Variants in DNAJC24 observed in about 807,000 individuals in gnomAD.
The protein encoded by DNAJC24 is DnaJ heat shock protein family (Hsp40) member C24, also known as dnaJ homolog subfamily C member 24.
In DNAJC24, 17 loss-of-function variants were observed where a neutral mutation model predicts 18.0. The ratio of observed to expected loss-of-function variants is 0.94; its 90% confidence interval spans 0.65 to 1.42. The LOEUF is 1.42. Among genes scored for constraint, DNAJC24 ranks in the 40% most tolerant of loss-of-function variants. The probability of loss-of-function intolerance (pLI) is 0.00; values close to 1 mark genes in which losing one functional copy is unlikely to be tolerated. For synonymous variants in DNAJC24, 55 were observed against 57.7 expected, an observed-to-expected ratio of 0.95 and a Z score of 0.21; for missense variants, 158 against 175.6, an observed-to-expected ratio of 0.90 and a Z score of 0.57.
intron 2 of DNAJC24, among the ~76,000 whole-genome samples, chr11:31,400,270 AC>A (rs1952587771): frequency 6.6e-6 from 1 of 152,154 alleles, no homozygotes; most frequent in Non-Finnish European, 1.5e-5. Flanking sequence ...TTGGGTATAT[AC>A]CCAGTAATGG....
chr11:31,409,940 A>G (rs1952691518), intron 2 of DNAJC24, among the ~76,000 whole-genome samples: 1 of 146,514 alleles, frequency 6.8e-6, no homozygotes, highest in East Asian at 2.0e-4. Flanking sequence ...GCTGGAGTGC[A>G]GTGGCATCAT....
At chr11:31,414,703 C>T in intron 2 of DNAJC24, 108 bp from the exon 3 acceptor site, 1 of 1,242,384 alleles carries the variant, frequency 8.0e-7, no homozygotes, top group Non-Finnish European at 1.1e-6. Flanking sequence ...ATTTGGTTTT[C>T]ATCTTCTCAT....
chr11:31,403,125 A>ATGTG (rs3979423), intron 2 of DNAJC24, among the ~76,000 whole-genome samples: 11,621 of 146,570 alleles, frequency 0.079, 939 homozygotes, highest in African/African-American at 0.2. Context: ...GCATATATGC[A>ATGTG]TGTGTGTGTG....
intron 2 of DNAJC24, among the ~76,000 whole-genome samples, chr11:31,378,505 A>G (rs966716053): frequency 5.9e-5 from 9 of 152,214 alleles, no homozygotes; most frequent in African/African-American, 2.2e-4. Context: ...GCAAAGTGCA[A>G]TATCATTATT....
At chr11:31,381,234 G>T (rs1303322341) in intron 2 of DNAJC24, among the ~76,000 whole-genome samples, 1 of 151,998 alleles carries the variant, frequency 6.6e-6, no homozygotes, top group Non-Finnish European at 1.5e-5. Flanking sequence ...ACTGGTTAAG[G>T]TTATTTGTGT....
chr11:31,398,030 T>C (rs1952560418), intron 2 of DNAJC24, among the ~76,000 whole-genome samples: 1 of 152,094 alleles, frequency 6.6e-6, no homozygotes, highest in African/African-American at 2.4e-5. Flanking sequence ...CTCGAACTCT[T>C]GACCTCATGA....
intron 2 of DNAJC24, among the ~76,000 whole-genome samples, chr11:31,407,165 A>G (rs1012307933): frequency 6.6e-6 from 1 of 152,206 alleles, no homozygotes; most frequent in African/African-American, 2.4e-5. Flanking sequence ...TATGTCCTCA[A>G]GTGCCACATT....
intron 3 of DNAJC24, among the ~76,000 whole-genome samples, chr11:31,423,206 C>T (rs1192765422): frequency 1.3e-5 from 2 of 152,160 alleles, no homozygotes; most frequent in African/African-American, 4.8e-5. Flanking sequence ...AAGTGTGTAG[C>T]TTGATGGATT....
intron 2 of DNAJC24, among the ~76,000 whole-genome samples, chr11:31,405,491 T>G (rs1183689787): frequency 6.6e-6 from 1 of 152,102 alleles, no homozygotes; most frequent in Non-Finnish European, 1.5e-5. Context: ...AATCTTTTTA[T>G]TTATTTGAGA....
chr11:31,379,957 A>G (rs1952360452), intron 2 of DNAJC24, among the ~76,000 whole-genome samples: 1 of 151,942 alleles, frequency 6.6e-6, no homozygotes, highest in Admixed American at 6.6e-5. Flanking sequence ...TTTAGTAGAG[A>G]CAGGGTTTCA....
At chr11:31,416,266 A>G (rs1952750749) in intron 3 of DNAJC24, 1 of 152,154 alleles carries the variant, frequency 6.6e-6, no homozygotes. Context: ...GCATCTGTCT[A>G]ATGTATTTAT....
chr11:31,425,662 A>G (rs1269761800), intron 3 of DNAJC24, among the ~76,000 whole-genome samples: 1 of 151,942 alleles, frequency 6.6e-6, no homozygotes, highest in Non-Finnish European at 1.5e-5. Context: ...TTAGAACCCC[A>G]CTTTTATGAC....
chr11:31,378,637 T>G (rs949248575), intron 2 of DNAJC24, among the ~76,000 whole-genome samples: 7 of 152,064 alleles, frequency 4.6e-5, no homozygotes, highest in Admixed American at 4.6e-4. Flanking sequence ...AAGCAGGCAG[T>G]CAGTTACCTT....
intron 2 of DNAJC24, chr11:31,408,070 C>T (rs1021865332): frequency 1.5e-5 from 7 of 454,212 alleles, no homozygotes; most frequent in South Asian, 1.6e-5. Flanking sequence ...AAAAAAATTC[C>T]GACTTGAAAC....
At chr11:31,391,879 A>C (rs898073849) in intron 2 of DNAJC24, among the ~76,000 whole-genome samples, 9 of 152,228 alleles carry the variant, frequency 5.9e-5, no homozygotes, top group African/African-American at 1.9e-4. Flanking sequence ...CAAATGGATT[A>C]AAAAATGTAT....
At chr11:31,398,672 A>ACTGAACTAGTAT (rs1952568691) in intron 2 of DNAJC24, among the ~76,000 whole-genome samples, 1 of 152,208 alleles carries the variant, frequency 6.6e-6, no homozygotes, top group South Asian at 2.1e-4. Flanking sequence ...ATTCAAAGCC[A>ACTGAACTAGTAT]CTGAACTAGT....
intron 2 of DNAJC24, among the ~76,000 whole-genome samples, chr11:31,406,891 C>G (rs1952662686): frequency 6.6e-6 from 1 of 152,186 alleles, no homozygotes; most frequent in Non-Finnish European, 1.5e-5. Context: ...TTTTTCCCCT[C>G]TCATCCATTC....
At chr11:31,426,377 GACA>G (rs758457660) in intron 4 of DNAJC24, 22 bp downstream of exon 4, 8 of 1,339,700 alleles carry the variant, frequency 6.0e-6, no homozygotes, top group South Asian at 5.6e-5. Flanking sequence ...TTTTTCTCTT[GACA>G]ACATTTAAAA....
At chr11:31,408,727 T>A (rs1180570266) in intron 2 of DNAJC24, among the ~76,000 whole-genome samples, 2 of 152,182 alleles carry the variant, frequency 1.3e-5, no homozygotes, top group Admixed American at 6.6e-5. Flanking sequence ...TTGTGTTAGT[T>A]TTTCTTATTC....
Sources: gnomAD v4.1 joint callset for allele counts (sites outside exome capture counted in the v4.1 genomes callset) on GRCh38, gnomAD v4.1.1 for gene constraint, MANE v1.5 for transcripts, NCBI Gene and HGNC (gene_info 2026-07-23, HGNC 2026-07-21) for gene names.